TTC28: variants seen among roughly 807,000 people sequenced by gnomAD.
TTC28 encodes tetratricopeptide repeat protein 28.
A neutral mutation model predicts 198.0 loss-of-function variants in TTC28; 61 were observed. That is an observed-to-expected ratio of 0.31 (90% CI 0.25 to 0.38). The LOEUF (loss-of-function observed/expected upper bound fraction) is 0.38, where lower values mean the gene tolerates loss of function less well. Ranked by LOEUF, TTC28 falls within the 10% of genes least tolerant of loss-of-function variation. The pLI is 1.00. For synonymous variants in TTC28, 1,171 were observed against 1,297.8 expected, an observed-to-expected ratio of 0.90 and a Z score of 2.10; for missense variants, 2,678 against 3,164.0, an observed-to-expected ratio of 0.85 and a Z score of 3.69.
At chr22:28,339,753 C>A (rs186465557) in intron 2 of TTC28, among the ~76,000 whole-genome samples, 1 of 152,160 alleles carries the variant, frequency 6.6e-6, no homozygotes, top group South Asian at 2.1e-4. Flanking sequence ...CGTAGTATTA[C>A]GGTGGGAGTG....
intron 5 of TTC28, among the ~76,000 whole-genome samples, chr22:28,175,731 CT>C (rs1923106552): frequency 6.6e-6 from 1 of 151,528 alleles, no homozygotes; most frequent in Non-Finnish European, 1.5e-5. Flanking sequence ...AAAACTCTGT[CT>C]CAAAAAAAAA....
At chr22:28,235,253 C>A (rs1449970157) in intron 5 of TTC28, among the ~76,000 whole-genome samples, 1 of 152,082 alleles carries the variant, frequency 6.6e-6, no homozygotes, top group African/African-American at 2.4e-5. Context: ...GATGAAGAGA[C>A]CAGAGAAGAA....
At chr22:28,479,181 C>T (rs1211639152) in intron 2 of TTC28, among the ~76,000 whole-genome samples, 1 of 152,172 alleles carries the variant, frequency 6.6e-6, no homozygotes, top group Non-Finnish European at 1.5e-5. Context: ...TCTGAGATGT[C>T]TTCACAGAAC....
At chr22:28,573,476 T>C (rs1433618235) in intron 2 of TTC28, among the ~76,000 whole-genome samples, 1 of 151,424 alleles carries the variant, frequency 6.6e-6, no homozygotes, top group Non-Finnish European at 1.5e-5. Flanking sequence ...ATAATAATAA[T>C]AATAAATAAA....
In TTC28 at chr22:27,980,317, C is replaced by A. The variant is rs960980674; in HGVS notation, c.*1904G>T. The A allele has an allele frequency of 6.6e-6, 1 of 152,294 alleles. No homozygotes were observed. Among genetic ancestry groups the A allele is most frequent in the East Asian group, 1.9e-4 (1 of 5,196 alleles). 9.4% of individuals were successfully genotyped at this position (152,294 alleles called of 1,614,324 possible). ...TTTTTCCCCTACTAACATAAAGAAA[C>A]CCTCATAATTGCTGGCTTCTTTATA... On this transcript the variant is annotated 3_prime_UTR_variant, in exon 23 of 23. Transcript: ENST00000397906.
chr22:28,540,146 T>C (rs1274153830), intron 2 of TTC28, among the ~76,000 whole-genome samples: 4 of 151,848 alleles, frequency 2.6e-5, no homozygotes, highest in Non-Finnish European at 5.9e-5. Context: ...CGGGGTTTCA[T>C]CGTATTAGCC....
chr22:28,405,074 C>A (rs988416276), intron 2 of TTC28, among the ~76,000 whole-genome samples: 2 of 152,114 alleles, frequency 1.3e-5, no homozygotes, highest in Admixed American at 1.3e-4. Context: ...GAAGAAGGCT[C>A]AATTTACTTG....
chr22:28,629,825 A>C lies in TTC28; in HGVS notation c.108T>G (p.Pro36=). The change falls in exon 2 of 23, where the codon CCT becomes CCG. Residue 36 remains proline, a synonymous_variant. Transcript: ENST00000397906. ...PESPPASAPI[P]LFGADTIGQR... ...GGCCAATAGTGTCAGCACCAAAGAGAGGAATCTACAAACAAAGAAACTTTA... is the reference window on the plus strand; with the variant it reads ...GGCCAATAGTGTCAGCACCAAAGAGCGGAATCTACAAACAAAGAAACTTTA... 6.5e-7 allele frequency: 1 copy of C among 1,545,270 alleles called. No homozygotes were observed. The highest frequency in any genetic ancestry group is 8.7e-7 in the Non-Finnish European group (1 of 1,144,808).
rs778360074 is a variant in TTC28 at position 27,989,920 on chromosome 22, G to A, written c.5665C>T (p.Leu1889=). Residue 1889 remains leucine (L), a synonymous_variant, in exon 21 of 23, where the codon CTG becomes TTG. Transcript: ENST00000397906. ...TCGTGGCATCCCGGGAGCCGCCACA[G>A]CTGGACGCTGATGGAGACCTGAATG... ...APIQVSISVQ[L]WRLPGCHEFL... 6.4e-7 allele frequency: 1 copy of A among 1,551,442 alleles called. No homozygotes were observed. Among genetic ancestry groups the A allele is most frequent in the South Asian group, 1.2e-5 (1 of 84,056 alleles).
At chr22:28,247,013 T>C (rs1930153180) in intron 5 of TTC28, among the ~76,000 whole-genome samples, 2 of 152,190 alleles carry the variant, frequency 1.3e-5, no homozygotes, top group South Asian at 4.1e-4. Flanking sequence ...ACTAGAGCCC[T>C]ACCTGAGGGC....
At chr22:28,081,192 T>C (rs1941344671) in intron 12 of TTC28, among the ~76,000 whole-genome samples, 1 of 151,780 alleles carries the variant, frequency 6.6e-6, no homozygotes, top group African/African-American at 2.4e-5. Context: ...TATGTACATA[T>C]ATATTTTTTG....
chr22:28,409,650 G>C (rs927745743), intron 2 of TTC28, among the ~76,000 whole-genome samples: 6 of 149,538 alleles, frequency 4.0e-5, no homozygotes, highest in African/African-American at 1.5e-4. Flanking sequence ...TAACCTTTGT[G>C]CTTTTTCTTT....
In TTC28 at chr22:28,358,026, A is replaced by G. The variant is rs547151886; in HGVS notation, c.382-51383T>C. Among the ~76,000 whole-genome samples, 11 of 152,346 alleles carry G rather than the reference A, an allele frequency of 7.2e-5. 1 individual carries two copies. The South Asian group carries it at 2.3e-3, about 32-fold the overall frequency. On this transcript the variant is annotated intron_variant, in intron 2 of 22. Transcript: ENST00000397906. ...AAGCTCTTTTTTACCCTCATTCCAC[A>G]TACTTTATATAATTCAGTCTTTCCA...
intron 12 of TTC28, among the ~76,000 whole-genome samples, chr22:28,040,490 G>A (rs1266657980): frequency 2.0e-5 from 3 of 151,856 alleles, no homozygotes; most frequent in East Asian, 1.9e-4. Flanking sequence ...CAAAAACTAC[G>A]ATTACCTCAA....
At chr22:28,447,457 G>A (rs1203760252) in intron 2 of TTC28, among the ~76,000 whole-genome samples, 3 of 152,168 alleles carry the variant, frequency 2.0e-5, no homozygotes, top group African/African-American at 7.2e-5. Flanking sequence ...AACAAAACCT[G>A]CCTATAGGGC....
At chr22:28,235,068 G>A (rs1443862738) in intron 5 of TTC28, among the ~76,000 whole-genome samples, 2 of 152,184 alleles carry the variant, frequency 1.3e-5, no homozygotes, top group African/African-American at 4.8e-5. Context: ...CCTCTCATAT[G>A]GCAGTTGGGA....
intron 2 of TTC28, among the ~76,000 whole-genome samples, chr22:28,410,631 T>A (rs1244288236): frequency 6.6e-6 from 1 of 152,130 alleles, no homozygotes; most frequent in Non-Finnish European, 1.5e-5. Context: ...AAGAATGAGG[T>A]CATTCAAAAA....
chr22:28,549,928 G>A (rs1569018632), intron 2 of TTC28, among the ~76,000 whole-genome samples: 1 of 152,132 alleles, frequency 6.6e-6, no homozygotes, highest in East Asian at 1.9e-4. Flanking sequence ...CTTCTAAATT[G>A]AAAAGTCAAA....
At chr22:28,361,333 C>T (rs1288048404) in intron 2 of TTC28, among the ~76,000 whole-genome samples, 1 of 152,110 alleles carries the variant, frequency 6.6e-6, no homozygotes, top group African/African-American at 2.4e-5. Context: ...CTGGTGAACA[C>T]AGGAATAAGA....
Sources: allele counts gnomAD v4.1 joint callset (sites outside exome capture counted in the v4.1 genomes callset), GRCh38; gene constraint gnomAD v4.1.1; transcripts MANE v1.5; gene names NCBI Gene and HGNC (gene_info 2026-07-23, HGNC 2026-07-21).